TTC7A: variants seen among roughly 807,000 people sequenced by gnomAD.
The protein encoded by TTC7A is tetratricopeptide repeat protein 7A.
Under a neutral mutation model 103.7 loss-of-function variants are expected in TTC7A, and 110 were observed. The observed-to-expected ratio is 1.06, with a 90% CI of 0.91 to 1.24. The LOEUF (loss-of-function observed/expected upper bound fraction) is 1.24. TTC7A is among the 50% of genes most tolerant of loss of function. The probability of loss-of-function intolerance (pLI) is 0.00; values close to 1 mark genes in which losing one functional copy is unlikely to be tolerated. For missense variants in TTC7A, 1,340 were observed against 1,116.3 expected (o/e 1.20, Z -2.86); for synonymous variants, 521 against 467.9 (o/e 1.11, Z -1.47).
intron 18 of TTC7A, among the ~76,000 whole-genome samples, chr2:47,057,533 G>A (rs1284784306): frequency 6.6e-6 from 1 of 152,210 alleles, no homozygotes; most frequent in Non-Finnish European, 1.5e-5. Context: ...GCAGCCTCTG[G>A]AGACAGCGCA....
intron 5 of TTC7A, 113 bp from the exon 6 acceptor site, chr2:46,993,337 G>A (rs1375573233): frequency 2.1e-6 from 2 of 970,872 alleles, no homozygotes; most frequent in African/African-American, 3.2e-5. Flanking sequence ...TATCGAATGT[G>A]TTCAAATAAA....
chr2:46,981,564 G>C (rs1282945934), intron 5 of TTC7A, among the ~76,000 whole-genome samples: 1 of 152,178 alleles, frequency 6.6e-6, no homozygotes, highest in Admixed American at 6.5e-5. Context: ...AAATAAGTTT[G>C]GGAAACAATG....
chr2:47,016,757 A>G (rs1678699157), intron 11 of TTC7A, among the ~76,000 whole-genome samples: 1 of 152,234 alleles, frequency 6.6e-6, no homozygotes, highest in East Asian at 1.9e-4. Context: ...GTGTCTGGAA[A>G]GGGCACATGA....
At chr2:47,045,147 G>A (rs148468647) in intron 15 of TTC7A, among the ~76,000 whole-genome samples, 7 of 152,358 alleles carry the variant, frequency 4.6e-5, no homozygotes, top group African/African-American at 1.7e-4. Context: ...GGTGAGAACC[G>A]GGAGGTGCTG....
intron 15 of TTC7A, chr2:47,040,219 A>G (rs927979104): frequency 4.6e-5 from 7 of 152,274 alleles, no homozygotes; most frequent in African/African-American, 1.7e-4. Flanking sequence ...CCTGTGTGCC[A>G]CGTGGCCTGG....
chr2:46,935,394 T>C (rs568833812), intron 2 of TTC7A, among the ~76,000 whole-genome samples: 1 of 152,234 alleles, frequency 6.6e-6, no homozygotes, highest in South Asian at 2.1e-4. Context: ...TAAACTCCTT[T>C]CTTGCCACTG....
At position 47,074,141 on chromosome 2, in the gene TTC7A, C is replaced by T. The variant is rs960612817; in HGVS notation, c.*218C>T. On this transcript the variant is annotated 3_prime_UTR_variant, in exon 20 of 20. Coordinates refer to ENST00000319190, the MANE Select transcript of TTC7A (RefSeq NM_020458.4). ...CTTGGGAAACAGTCTGACTTGAACC[C>T]TAAGTGCCTTTGGAGAGTTTTGTGG... 8.6e-6 allele frequency: 5 copies of T among 584,008 alleles called. No individual in the cohort carries two copies. Among genetic ancestry groups the T allele is most frequent in the African/African-American group, 7.5e-5 (4 of 53,494 alleles). 36.2% of individuals were successfully genotyped at this position (584,008 alleles called of 1,614,324 possible).
At position 47,010,931 on chromosome 2, in the gene TTC7A, T is replaced by C. The variant is rs181822336; in HGVS notation, c.1288-400T>C. ...GCCAGGCTGGTCTCGAACTCCTGAG[T>C]TCAAGTGATCTGCCTGCCTCGGTCT... On this transcript the variant is annotated intron_variant, in intron 10 of 19. Coordinates refer to ENST00000319190, the MANE Select transcript of TTC7A (RefSeq NM_020458.4). Among the ~76,000 whole-genome samples the C allele has an allele frequency of 3.6e-3, 542 of 152,096 alleles. 3 individuals carry two copies. Among genetic ancestry groups the C allele is most frequent in the African/African-American group, 0.012 (496 of 41,478 alleles).
At position 46,941,900 on chromosome 2, in the gene TTC7A, A is replaced by G; in HGVS notation, c.184+175A>G. 1 of 802,570 alleles carries G rather than the reference A, an allele frequency of 1.2e-6. No individual in the cohort carries two copies. The highest frequency in any genetic ancestry group is 1.8e-5 in the South Asian group (1 of 54,956). The allele number at this position is 802,570 out of a possible 1,614,324, so 49.7% of individuals were successfully genotyped here. A position where few individuals can be genotyped will look rare whatever the true frequency, so the allele number is the denominator to read the frequency against. ...GTCCTTCTGCCGCGAGAGAAAAATC[A>G]CATGTGGTTTGGGGGCTTGGAGGGA... On this transcript the variant is annotated intron_variant, in intron 1 of 19. Coordinates refer to ENST00000319190, the MANE Select transcript of TTC7A (RefSeq NM_020458.4). The surrounding 1 kb of genome is among the most constrained non-coding windows in gnomAD (Gnocchi z 4.2).
At chr2:46,987,194 G>A (rs111500131) in intron 5 of TTC7A, among the ~76,000 whole-genome samples, 6 of 152,226 alleles carry the variant, frequency 3.9e-5, no homozygotes, top group Admixed American at 6.5e-5. Flanking sequence ...GAGGGCAGCC[G>A]TGGACTCTGG....
At chr2:47,059,666 A>G (rs909257455) in intron 18 of TTC7A, among the ~76,000 whole-genome samples, 1 of 152,210 alleles carries the variant, frequency 6.6e-6, no homozygotes, top group Non-Finnish European at 1.5e-5. Context: ...TGCAATGAAC[A>G]AAGTGAAGGA....
chr2:46,951,918 G>A (rs1356388001), intron 2 of TTC7A, among the ~76,000 whole-genome samples: 1 of 152,218 alleles, frequency 6.6e-6, no homozygotes, highest in Non-Finnish European at 1.5e-5. Flanking sequence ...GACCGTGATA[G>A]GAGTGCTATC....
At chr2:46,919,926 G>T (rs1401600582) in intron 2 of TTC7A, among the ~76,000 whole-genome samples, 1 of 152,226 alleles carries the variant, frequency 6.6e-6, no homozygotes, top group African/African-American at 2.4e-5. Flanking sequence ...CTGGGATGGG[G>T]CTTTGTATTT....
chr2:46,992,871 G>A (rs1231314618), intron 5 of TTC7A, among the ~76,000 whole-genome samples: 2 of 152,262 alleles, frequency 1.3e-5, no homozygotes, highest in African/African-American at 2.4e-5. Flanking sequence ...GGAAGTGTAT[G>A]TGGGTAATGG....
chr2:46,970,246 C>T (rs1362720346), intron 3 of TTC7A, among the ~76,000 whole-genome samples: 1 of 152,160 alleles, frequency 6.6e-6, no homozygotes, highest in Non-Finnish European at 1.5e-5. Flanking sequence ...CCTGGGCTTC[C>T]CAGTGTGCTG....
intron 15 of TTC7A, among the ~76,000 whole-genome samples, chr2:47,035,959 G>C (rs1182947944): frequency 6.6e-6 from 1 of 152,210 alleles, no homozygotes; most frequent in Non-Finnish European, 1.5e-5. Context: ...GCCCTGGCTG[G>C]GAACCTGCCT....
intron 14 of TTC7A, among the ~76,000 whole-genome samples, chr2:47,025,391 C>G (rs1335265896): frequency 6.6e-6 from 1 of 152,192 alleles, no homozygotes; most frequent in East Asian, 1.9e-4. Context: ...TCCCCTGACC[C>G]TTTTGGAGTT....
intron 5 of TTC7A, among the ~76,000 whole-genome samples, chr2:46,992,112 A>T (rs1393725604): frequency 6.6e-6 from 1 of 152,088 alleles, no homozygotes; most frequent in African/African-American, 2.4e-5. Context: ...AATTTTTCTG[A>T]ATTCGCCAGC....
intron 7 of TTC7A, 31 bp downstream of exon 7, chr2:46,994,545 C>T (rs1487995131): frequency 1.2e-6 from 2 of 1,609,854 alleles, no homozygotes; most frequent in Non-Finnish European, 8.5e-7. Context: ...TGCACCTTGC[C>T]AGTCTCACAT....
Sources: gnomAD v4.1 joint callset for allele counts (sites outside exome capture counted in the v4.1 genomes callset) on GRCh38, gnomAD v4.1.1 for gene constraint, Gnocchi (gnomAD v3.1) non-coding constraint, MANE v1.5 for transcripts, NCBI Gene and HGNC (gene_info 2026-07-23, HGNC 2026-07-21) for gene names.